ELOVL7: variants seen among roughly 807,000 people sequenced by gnomAD.
ELOVL7 encodes ELOVL fatty acid elongase 7, also known as very long chain fatty acid elongase 7.
ELOVL7 carries 27 observed loss-of-function variants against 35.7 expected under a neutral mutation model. That is an observed-to-expected ratio of 0.76 (90% CI 0.56 to 1.04). The LOEUF is 1.04. Among genes scored for constraint, ELOVL7 ranks in the 50% least tolerant of loss-of-function variants. ELOVL7 has a pLI of 0.00. For missense variants in ELOVL7, 327 were observed against 340.8 expected (o/e 0.96, Z 0.32); for synonymous variants, 113 against 114.6 (o/e 0.99, Z 0.09).
At chr5:60,782,014 C>CA (rs1250468624) in intron 3 of ELOVL7, among the ~76,000 whole-genome samples, 2 of 152,074 alleles carry the variant, frequency 1.3e-5, no homozygotes, top group African/African-American at 2.4e-5. Context: ...AGTCAAATTG[C>CA]AAAAAACAAC....
intron 1 of ELOVL7, among the ~76,000 whole-genome samples, chr5:60,821,143 A>C (rs1222436493): frequency 6.6e-6 from 1 of 152,188 alleles, no homozygotes; most frequent in Non-Finnish European, 1.5e-5. Context: ...AGGCCACCAG[A>C]GTCATCTTCC....
chr5:60,839,605 C>T (rs1747038519), intron 1 of ELOVL7, among the ~76,000 whole-genome samples: 1 of 152,194 alleles, frequency 6.6e-6, no homozygotes, highest in African/African-American at 2.4e-5. Flanking sequence ...TTATGGCATG[C>T]TTCTTTCCAT....
chr5:60,791,096 C>T (rs1278587138), intron 2 of ELOVL7, among the ~76,000 whole-genome samples: 1 of 152,146 alleles, frequency 6.6e-6, no homozygotes, highest in Admixed American at 6.5e-5. Context: ...CCTGTCTCAG[C>T]CTCCCAAGTA....
At chr5:60,842,841 A>C (rs931080291) in intron 1 of ELOVL7, among the ~76,000 whole-genome samples, 1 of 152,030 alleles carries the variant, frequency 6.6e-6, no homozygotes, top group Non-Finnish European at 1.5e-5. Context: ...TGTGAAGATT[A>C]AAAGCTTTTA....
intron 7 of ELOVL7, among the ~76,000 whole-genome samples, chr5:60,761,894 C>T (rs970813938): frequency 2.0e-5 from 3 of 152,066 alleles, no homozygotes; most frequent in Non-Finnish European, 2.9e-5. Flanking sequence ...GGGCCTGCGG[C>T]ATATTCGATA....
At chr5:60,771,743 G>C (rs573803326) in intron 4 of ELOVL7, among the ~76,000 whole-genome samples, 160 bp downstream of exon 4, 1 of 152,222 alleles carries the variant, frequency 6.6e-6, no homozygotes, top group South Asian at 2.1e-4. Flanking sequence ...TTTATTATTT[G>C]GTCTATACCT....
rs1405790605 is a variant in ELOVL7 at position 60,808,011 on chromosome 5, A to G, written c.-85-8781T>C. Among the ~76,000 whole-genome samples, 258 of 149,776 alleles carry G rather than the reference A, an allele frequency of 1.7e-3. 1 individual carries two copies. Among genetic ancestry groups the G allele is most frequent in the African/African-American group, 6.1e-3 (249 of 41,024 alleles). Reference sequence around the variant, plus strand: ...CCGTCTCAAAAAAAAAAAAAAAAAAAAAAAAAAAAAGAATAAAATGGAATG... The same window carrying G: ...CCGTCTCAAAAAAAAAAAAAAAAAAGAAAAAAAAAAGAATAAAATGGAATG... On this transcript the variant is annotated intron_variant, in intron 1 of 8. Transcript: ENST00000508821.
chr5:60,834,887 A>C (rs1304862695), intron 1 of ELOVL7, among the ~76,000 whole-genome samples: 1 of 151,768 alleles, frequency 6.6e-6, no homozygotes, highest in Non-Finnish European at 1.5e-5. Context: ...TTAATTCTCC[A>C]ATTTTCCAAA....
intron 1 of ELOVL7, among the ~76,000 whole-genome samples, chr5:60,818,753 A>T (rs1745686620): frequency 6.6e-6 from 1 of 151,922 alleles, no homozygotes; most frequent in Admixed American, 6.6e-5. Flanking sequence ...CACGCCTGTA[A>T]TCCCAGCACT....
intron 1 of ELOVL7, among the ~76,000 whole-genome samples, chr5:60,835,641 G>C (rs954114090): frequency 2.6e-5 from 4 of 151,972 alleles, no homozygotes; most frequent in African/African-American, 9.7e-5. Flanking sequence ...TTCAACTCCT[G>C]TCCTCAAGTG....
At chr5:60,832,119 C>A (rs1381820115) in intron 1 of ELOVL7, among the ~76,000 whole-genome samples, 1 of 152,168 alleles carries the variant, frequency 6.6e-6, no homozygotes, top group Admixed American at 6.5e-5. Context: ...TAGTCAGAAT[C>A]TTTGTATTCC....
intron 3 of ELOVL7, among the ~76,000 whole-genome samples, chr5:60,775,635 C>T (rs531940694): frequency 4.7e-4 from 72 of 152,116 alleles, no homozygotes; most frequent in African/African-American, 1.5e-3. Context: ...ATAGACACAT[C>T]GGCCAATGGA....
At chr5:60,776,643 C>G (rs1296725175) in intron 3 of ELOVL7, among the ~76,000 whole-genome samples, 2 of 152,162 alleles carry the variant, frequency 1.3e-5, no homozygotes, top group Admixed American at 1.3e-4. Context: ...GCTACATGTT[C>G]TCACTTATAA....
At chr5:60,780,269 G>A (rs967324591) in intron 3 of ELOVL7, among the ~76,000 whole-genome samples, 5 of 151,994 alleles carry the variant, frequency 3.3e-5, no homozygotes, top group African/African-American at 4.8e-5. Flanking sequence ...ACAGGCATGC[G>A]CCACCACGCC....
At chr5:60,807,559 C>G (rs928655173) in intron 1 of ELOVL7, among the ~76,000 whole-genome samples, 1 of 147,726 alleles carries the variant, frequency 6.8e-6, no homozygotes, top group Non-Finnish European at 1.5e-5. Context: ...GAAAACTTTA[C>G]AAATAAACTG....
chr5:60,808,154 G>A (rs1160032910), intron 1 of ELOVL7, among the ~76,000 whole-genome samples: 1 of 151,028 alleles, frequency 6.6e-6, no homozygotes, highest in African/African-American at 2.4e-5. Flanking sequence ...TCTAGGTATA[G>A]AAGAAAACCT....
intron 1 of ELOVL7, among the ~76,000 whole-genome samples, chr5:60,802,963 G>A (rs891590109): frequency 2.6e-5 from 4 of 152,034 alleles, no homozygotes; most frequent in Non-Finnish European, 4.4e-5. Flanking sequence ...TCATTTTTAC[G>A]GAAAAAGACA....
intron 3 of ELOVL7, among the ~76,000 whole-genome samples, chr5:60,777,362 T>C (rs374540756): frequency 1.3e-5 from 2 of 151,938 alleles, no homozygotes; most frequent in African/African-American, 4.8e-5. Flanking sequence ...TATATACACC[T>C]ACTATTTACC....
chr5:60,830,151 G>A (rs927799126), intron 1 of ELOVL7, among the ~76,000 whole-genome samples: 2 of 152,252 alleles, frequency 1.3e-5, no homozygotes, highest in East Asian at 1.9e-4. Flanking sequence ...CCTTGGGGTT[G>A]GGGACCATGT....
Sources: allele counts gnomAD v4.1 joint callset (sites outside exome capture counted in the v4.1 genomes callset), GRCh38; gene constraint gnomAD v4.1.1; transcripts MANE v1.5; gene names NCBI Gene and HGNC (gene_info 2026-07-23, HGNC 2026-07-21).